The following DCBLD2 variants were observed in gnomAD, a reference collection of about 807,000 sequenced individuals.
The protein encoded by DCBLD2 is discoidin, CUB and LCCL domain-containing protein 2.
In DCBLD2, 54 loss-of-function variants were observed where a neutral mutation model predicts 86.8. That is an observed-to-expected ratio of 0.62 (90% CI 0.50 to 0.78). DCBLD2 has a LOEUF of 0.78. DCBLD2 is among the 30% of genes least tolerant of loss of function. The pLI is 0.00. For missense variants in DCBLD2, 908 were observed against 954.2 expected, an observed-to-expected ratio of 0.95 and a Z score of 0.64; for synonymous variants, 354 against 341.3, an observed-to-expected ratio of 1.04 and a Z score of -0.41.
rs549609730 is a variant in DCBLD2, at chr3:98,867,923, C to T, written c.433+13617G>A. Among the ~76,000 whole-genome samples the T allele has an allele frequency of 4.6e-5, 7 of 152,186 alleles. No individual in the cohort carries two copies. The South Asian group carries it at 1.5e-3, about 32-fold the overall frequency. On this transcript the variant is annotated intron_variant, in intron 2 of 15. Transcript: ENST00000326840. The stretch of plus-strand genomic sequence containing the variant: ...GTTCATGCCATTCTCCTGCCTCAGC[C>T]TCCTGCATAGCTGGGACTACAGGTG...
chr3:98,897,518 CAG>C (rs1943771325), intron 1 of DCBLD2, among the ~76,000 whole-genome samples: 1 of 152,030 alleles, frequency 6.6e-6, no homozygotes, highest in African/African-American at 2.4e-5. Flanking sequence ...TGTTTATTTG[CAG>C]AGAGAAATAA....
intron 2 of DCBLD2, among the ~76,000 whole-genome samples, chr3:98,868,631 G>A (rs533050144): frequency 7.2e-5 from 11 of 152,104 alleles, no homozygotes; most frequent in South Asian, 2.1e-4. Flanking sequence ...CTGAGTCTCC[G>A]ATGTCCATTA....
At chr3:98,890,608 T>A (rs1943643278) in intron 1 of DCBLD2, among the ~76,000 whole-genome samples, 1 of 152,092 alleles carries the variant, frequency 6.6e-6, no homozygotes, top group South Asian at 2.1e-4. Flanking sequence ...TCCATCCTTA[T>A]CTTTTGTTAC....
chr3:98,810,548 C>T (rs545429500), intron 12 of DCBLD2, among the ~76,000 whole-genome samples: 133 of 152,270 alleles, frequency 8.7e-4, no homozygotes, highest in African/African-American at 2.8e-3. Context: ...GACACTGACA[C>T]TTTTTTGAAT....
intron 2 of DCBLD2, among the ~76,000 whole-genome samples, chr3:98,881,124 C>T (rs72936665): frequency 2.0e-5 from 3 of 151,648 alleles, no homozygotes; most frequent in South Asian, 2.1e-4. Flanking sequence ...GCTATGGTGG[C>T]GAGCGCCTGT....
chr3:98,867,812 T>G (rs1446374920), intron 2 of DCBLD2, among the ~76,000 whole-genome samples: 1 of 151,832 alleles, frequency 6.6e-6, no homozygotes, highest in Admixed American at 6.6e-5. Flanking sequence ...TTTTTGTTTT[T>G]TTTTTTTTGA....
chr3:98,871,811 C>T (rs1449330545), intron 2 of DCBLD2, among the ~76,000 whole-genome samples: 1 of 152,160 alleles, frequency 6.6e-6, no homozygotes, highest in Admixed American at 6.5e-5. Flanking sequence ...GGAGGATTCC[C>T]TCTTTCTCCA....
Position 98,844,034 on chromosome 3 carries a change from G to GCA in DCBLD2, c.571+5425_571+5426dup, listed in dbSNP as rs10574415. The stretch of plus-strand genomic sequence containing the variant: ...GGATCACCACTTTCCAATCATGCAT[G>GCA]CACACACACACACACACACACACAC... On this transcript the variant is annotated intron_variant, in intron 3 of 15. Coordinates refer to ENST00000326840, the MANE Select transcript of DCBLD2 (RefSeq NM_080927.4). Among the ~76,000 whole-genome samples, 233 of 145,628 alleles carry GCA rather than the reference G, an allele frequency of 1.6e-3. 1 individual carries two copies. The East Asian group carries it at 0.018, about 11-fold the overall frequency.
At chr3:98,890,316 T>C (rs1943635340) in intron 1 of DCBLD2, 1 of 152,012 alleles carries the variant, frequency 6.6e-6, no homozygotes, top group Non-Finnish European at 1.5e-5. Context: ...AGGCAGAGAC[T>C]GGAGTGATAT....
At chr3:98,829,077 C>T (rs1942276324) in intron 3 of DCBLD2, among the ~76,000 whole-genome samples, 1 of 152,100 alleles carries the variant, frequency 6.6e-6, no homozygotes, top group Non-Finnish European at 1.5e-5. Flanking sequence ...TAAATATGTT[C>T]TAAAATTGAC....
Position 98,865,582 on chromosome 3 carries a change from T to G in DCBLD2, c.433+15958A>C, listed in dbSNP as rs144970176. ...GTATAGTTAAAAATTGCTAAGAGAT[T>G]TTTTAAGTGTTCTCACCACAAAAAC... On this transcript the variant is annotated intron_variant, in intron 2 of 15. Transcript: ENST00000326840. 2.0e-5 allele frequency among the ~76,000 whole-genome samples: 3 copies of G among 152,262 alleles called. No homozygotes were observed. The East Asian group carries it at 5.8e-4, about 29-fold the overall frequency.
At chr3:98,885,582 C>T (rs992088916) in intron 1 of DCBLD2, among the ~76,000 whole-genome samples, 3 of 151,932 alleles carry the variant, frequency 2.0e-5, no homozygotes, top group Non-Finnish European at 2.9e-5. Context: ...ATTGAATTTG[C>T]AAATCAAGGA....
In DCBLD2 at chr3:98,799,298, A is replaced by G. The variant is rs1941669431; in HGVS notation, c.*74T>C. 2.9e-6 allele frequency: 4 copies of G among 1,393,116 alleles called. No homozygotes were observed. In the East Asian group the frequency reaches 9.3e-5, roughly 33 times the overall value. 86.3% of individuals were successfully genotyped at this position (1,393,116 alleles called of 1,614,324 possible). ...GACAGTTATGTAATACATTCTATAT[A>G]TTACTACCACTAATAATTAAAAAAA... On this transcript the variant is annotated 3_prime_UTR_variant, in exon 16 of 16. Coordinates refer to ENST00000326840, the MANE Select transcript of DCBLD2 (RefSeq NM_080927.4).
intron 3 of DCBLD2, among the ~76,000 whole-genome samples, chr3:98,839,160 T>C (rs866718265): frequency 4.3e-4 from 39 of 91,016 alleles, no homozygotes; most frequent in Admixed American, 2.6e-3. Context: ...TCTTTCTTTC[T>C]TTCTTTCTTT....
At chr3:98,801,957 C>G (rs145643838) in intron 13 of DCBLD2, 387 of 226,786 alleles carry the variant, frequency 1.7e-3, no homozygotes, top group Admixed American at 6.3e-3. Context: ...ATCTATCATT[C>G]ATGGACATTT....
chr3:98,816,831 G>C (rs143021177), intron 9 of DCBLD2, among the ~76,000 whole-genome samples: 2,198 of 152,188 alleles, frequency 0.014, 54 homozygotes, highest in African/African-American at 0.051. Context: ...GCCCAGGCTG[G>C]ATTGCAGTGG....
At chr3:98,846,044 T>C (rs2470874) in intron 3 of DCBLD2, among the ~76,000 whole-genome samples, 147,815 of 152,326 alleles carry the variant, frequency 0.97, 71,875 homozygotes, top group Non-Finnish European at 1. Context: ...TACTGCAAGT[T>C]CCATGAAGGT....
chr3:98,839,859 A>G (rs1405002157), intron 3 of DCBLD2, among the ~76,000 whole-genome samples: 2 of 152,246 alleles, frequency 1.3e-5, no homozygotes, highest in Non-Finnish European at 2.9e-5. Flanking sequence ...TACAATTTTA[A>G]GTACAGTGGT....
chr3:98,894,100 T>C (rs536827393), intron 1 of DCBLD2, among the ~76,000 whole-genome samples: 54 of 152,226 alleles, frequency 3.5e-4, no homozygotes, highest in African/African-American at 1.2e-3. Context: ...GATGATGGAT[T>C]TGGGGTGCCT....
Sources: gnomAD v4.1 joint callset for allele counts (sites outside exome capture counted in the v4.1 genomes callset) on GRCh38, gnomAD v4.1.1 for gene constraint, MANE v1.5 for transcripts, NCBI Gene and HGNC (gene_info 2026-07-23, HGNC 2026-07-21) for gene names.